The following CFAP251 variants were observed in gnomAD, a reference collection of about 807,000 sequenced individuals.
CFAP251 encodes the protein cilia- and flagella-associated protein 251.
Under a neutral mutation model 126.7 loss-of-function variants are expected in CFAP251, and 93 were observed. That is an observed-to-expected ratio of 0.73 (90% CI 0.62 to 0.87). The LOEUF is 0.87. Among genes scored for constraint, CFAP251 ranks in the 40% least tolerant of loss-of-function variants. The pLI, the probability that CFAP251 is intolerant of heterozygous loss-of-function variation, is 0.00. For synonymous variants in CFAP251, 503 were observed against 506.9 expected, an observed-to-expected ratio of 0.99 and a Z score of 0.10; for missense variants, 1,287 against 1,389.2, an observed-to-expected ratio of 0.93 and a Z score of 1.17.
At chr12:121,995,421 A>G (rs1883000389) in intron 19 of CFAP251, among the ~76,000 whole-genome samples, 1 of 152,256 alleles carries the variant, frequency 6.6e-6, no homozygotes, top group Non-Finnish European at 1.5e-5. Flanking sequence ...GTTACCATTT[A>G]CAGCTACTTT....
intron 4 of CFAP251, 100 bp downstream of exon 4, chr12:121,931,986 C>G: frequency 2.5e-6 from 3 of 1,196,756 alleles, no homozygotes; most frequent in Non-Finnish European, 3.3e-6. Flanking sequence ...CTATCACTGT[C>G]GTATTTTCCC....
chr12:121,985,440 A>G (rs1467731340), intron 19 of CFAP251, among the ~76,000 whole-genome samples: 1 of 150,750 alleles, frequency 6.6e-6, no homozygotes, highest in Non-Finnish European at 1.5e-5. Flanking sequence ...AGGGTGAGGC[A>G]GGAGAATCGC....
chr12:121,960,011 T>C (rs565184031), intron 13 of CFAP251, among the ~76,000 whole-genome samples: 130 of 152,164 alleles, frequency 8.5e-4, no homozygotes, highest in African/African-American at 3.1e-3. Flanking sequence ...CATGTGCCTG[T>C]AGTCCTAGCT....
chr12:121,975,828 A>C, intron 19 of CFAP251, 143 bp downstream of exon 19: 8 of 867,442 alleles, frequency 9.2e-6, no homozygotes, highest in Middle Eastern at 2.4e-4. Flanking sequence ...GGCATTTCAG[A>C]TGCACTCCTG....
At chr12:121,991,678 AAT>A (rs1882877893) in intron 19 of CFAP251, among the ~76,000 whole-genome samples, 1 of 152,108 alleles carries the variant, frequency 6.6e-6, no homozygotes. Flanking sequence ...AGCTTCCAAA[AAT>A]TTGGTCCCCA....
Position 121,975,275 on chromosome 12 carries a change from G to A in CFAP251, c.2803G>A (p.Glu935Lys). 6.2e-7 allele frequency: 1 copy of A among 1,614,122 alleles called. No individual in the cohort carries two copies. The highest frequency in any genetic ancestry group is 8.5e-7 in the Non-Finnish European group (1 of 1,180,032). Residue 935 changes from glutamate (E) to lysine (K), a missense_variant, in exon 18 of 22, where the codon GAA becomes AAA. By Grantham distance (56) the Glu-to-Lys change is moderately conservative (BLOSUM62 1). Coordinates refer to ENST00000288912, the MANE Select transcript of CFAP251 (RefSeq NM_144668.6). ...VLEAAVSLGG[E>K]DLTPFYGLLS... is the part of the protein sequence containing the mutation. ...GGAGGCAGCGGTTTCTCTTGGGGGT[G>A]AAGACTTGACCCCATTCTATGGTCT...
At chr12:121,928,767 G>A (rs1256118407) in intron 3 of CFAP251, among the ~76,000 whole-genome samples, 1 of 150,074 alleles carries the variant, frequency 6.7e-6, no homozygotes, top group East Asian at 2.0e-4. Flanking sequence ...GACGATCTCG[G>A]CTCACAGCAA....
intron 5 of CFAP251, among the ~76,000 whole-genome samples, chr12:121,938,025 G>A (rs189663155): frequency 6.6e-6 from 1 of 152,144 alleles, no homozygotes; most frequent in Non-Finnish European, 1.5e-5. Context: ...GTTTTTGTGA[G>A]ACAGGGTCTC....
intron 4 of CFAP251, chr12:121,932,173 A>G (rs1437260855): frequency 1.5e-5 from 3 of 197,452 alleles, no homozygotes; most frequent in Non-Finnish European, 3.0e-5. Context: ...CGTAGATCAT[A>G]TCTCCACAGA....
At chr12:121,959,852 G>A (rs868390478) in intron 13 of CFAP251, 2 of 152,170 alleles carry the variant, frequency 1.3e-5, no homozygotes, top group African/African-American at 4.8e-5. Flanking sequence ...ATTAGGCCAG[G>A]TGTAGCTTAT....
intron 19 of CFAP251, among the ~76,000 whole-genome samples, chr12:121,984,757 G>T (rs1882705670): frequency 6.6e-6 from 1 of 152,168 alleles, no homozygotes; most frequent in Non-Finnish European, 1.5e-5. Flanking sequence ...CAGGATGTTG[G>T]ACTGTCCACG....
chr12:121,956,587 C>A (rs1418048292), intron 10 of CFAP251, among the ~76,000 whole-genome samples: 2 of 152,162 alleles, frequency 1.3e-5, no homozygotes, highest in African/African-American at 4.8e-5. Flanking sequence ...GCTCCGCCTT[C>A]CATGTTCAAG....
At chr12:121,922,395 G>C (rs1262685009) in intron 2 of CFAP251, among the ~76,000 whole-genome samples, 1 of 152,078 alleles carries the variant, frequency 6.6e-6, no homozygotes, top group Non-Finnish European at 1.5e-5. Context: ...CCTGCACCTG[G>C]CCACAATCCA....
At chr12:121,937,514 T>C (rs545001603) in intron 5 of CFAP251, among the ~76,000 whole-genome samples, 2 of 152,314 alleles carry the variant, frequency 1.3e-5, no homozygotes, top group African/African-American at 2.4e-5. Flanking sequence ...TGAGGATCAC[T>C]AGAGCGCAGC....
intron 19 of CFAP251, chr12:121,998,634 A>G (rs865785545): frequency 6.6e-6 from 1 of 150,424 alleles, no homozygotes; most frequent in African/African-American, 2.5e-5. Flanking sequence ...CATGCCTGTA[A>G]TCCCAGCACA....
chr12:121,971,898 G>A lies in CFAP251; in HGVS notation c.2772-3346G>A, dbSNP rs945664880. On this transcript the variant is annotated intron_variant, in intron 17 of 21. Transcript: ENST00000288912. ...TGGTTTCCCCCATGTTGTTCTCGTG[G>A]TAGTGAATAAGTCTCACAAGATCTG... 46 of 387,560 alleles carry A rather than the reference G, an allele frequency of 1.2e-4. No individual in the cohort carries two copies. In the East Asian group the frequency reaches 2.5e-3, roughly 21 times the overall value. The allele number at this position is 387,560 out of a possible 1,614,324, so 24.0% of individuals were successfully genotyped here. A position where few individuals can be genotyped will look rare whatever the true frequency, so the allele number is the denominator to read the frequency against.
intron 5 of CFAP251, among the ~76,000 whole-genome samples, chr12:121,938,109 A>G (rs1243036665): frequency 6.6e-6 from 1 of 151,040 alleles, no homozygotes; most frequent in Non-Finnish European, 1.5e-5. Flanking sequence ...GGCTCAAGTG[A>G]TCCTCCCACC....
intron 20 of CFAP251, 142 bp downstream of exon 20, chr12:122,000,086 G>C: frequency 1.4e-6 from 1 of 722,318 alleles, no homozygotes; most frequent in Non-Finnish European, 2.2e-6. Flanking sequence ...GAGGGGTCTG[G>C]CTGACCCACC....
In CFAP251 at chr12:121,921,411, C is replaced by T; in HGVS notation, c.106C>T (p.Pro36Ser). 6.2e-7 allele frequency: 1 copy of T among 1,612,922 alleles called. No homozygotes were observed. The highest frequency in any genetic ancestry group is 1.1e-5 in the South Asian group (1 of 90,986). The change falls in exon 2 of 22, where the codon CCA becomes TCA. Residue 36 changes from proline to serine, a missense_variant. By Grantham distance (74) the Pro-to-Ser change is moderately conservative. Coordinates refer to ENST00000288912, the MANE Select transcript of CFAP251 (RefSeq NM_144668.6). ...PNPNYKEVED[P>S]QQESKDDTIA... ...TCCAAATTATAAAGAAGTAGAAGAT[C>T]CACAACAGGAATCAAAAGATGACAC...
Sources: gnomAD v4.1 joint callset for allele counts (sites outside exome capture counted in the v4.1 genomes callset) on GRCh38, gnomAD v4.1.1 for gene constraint, MANE v1.5 for transcripts, NCBI Gene and HGNC (gene_info 2026-07-23, HGNC 2026-07-21) for gene names.